Variants in INTS14 observed in about 807,000 individuals in gnomAD.
INTS14 encodes integrator complex subunit 14.
In INTS14, 27 loss-of-function variants were observed where a neutral mutation model predicts 56.9. The observed-to-expected ratio is 0.47, with a 90% CI of 0.35 to 0.65. The LOEUF is 0.65. Ranked by LOEUF, INTS14 falls within the 30% of genes least tolerant of loss-of-function variation. INTS14 has a pLI of 0.00. For missense variants in INTS14, 517 were observed against 632.2 expected (o/e 0.82, Z 1.95); for synonymous variants, 207 against 236.2 (o/e 0.88, Z 1.13).
chr15:65,598,829 C>G, intron 5 of INTS14, 43 bp downstream of exon 5: 1 of 1,425,492 alleles, frequency 7.0e-7, no homozygotes, highest in Non-Finnish European at 9.8e-7. Context: ...AATTATAATA[C>G]TGGATTGTAA....
chr15:65,598,652 A>G, intron 5 of INTS14, 189 bp from the exon 6 acceptor site: 1 of 767,282 alleles, frequency 1.3e-6, no homozygotes, highest in Non-Finnish European at 2.0e-6. Context: ...GAGCAAGTTA[A>G]TTTGAAATTT....
intron 10 of INTS14, among the ~76,000 whole-genome samples, chr15:65,583,002 T>C (rs2072681073): frequency 6.6e-6 from 1 of 152,070 alleles, no homozygotes. Flanking sequence ...ACACCTACTA[T>C]GATAGCTATA....
chr15:65,606,888 A>G (rs2073673676), intron 2 of INTS14, among the ~76,000 whole-genome samples: 1 of 152,248 alleles, frequency 6.6e-6, no homozygotes, highest in African/African-American at 2.4e-5. Context: ...GGAACACTAC[A>G]TCCTGAGATG....
At chr15:65,582,069 AG>A in intron 10 of INTS14, 50 bp from the exon 11 acceptor site, 1 of 1,473,070 alleles carries the variant, frequency 6.8e-7, no homozygotes, top group East Asian at 2.3e-5. Flanking sequence ...GTGGTAAAAA[AG>A]GGAAATAATA....
chr15:65,591,295 GA>G (rs1053165355), intron 9 of INTS14, among the ~76,000 whole-genome samples: 2 of 152,118 alleles, frequency 1.3e-5, no homozygotes, highest in African/African-American at 4.8e-5. Flanking sequence ...GGAATGACAG[GA>G]AATTACTTGA....
intron 3 of INTS14, among the ~76,000 whole-genome samples, chr15:65,601,891 T>A (rs1465646211): frequency 6.6e-6 from 1 of 152,162 alleles, no homozygotes; most frequent in Non-Finnish European, 1.5e-5. Flanking sequence ...CAGACTTTAC[T>A]AAATAATAAA....
At chr15:65,588,476 CCAA>C (rs1428932851) in intron 9 of INTS14, among the ~76,000 whole-genome samples, 9 of 151,634 alleles carry the variant, frequency 5.9e-5, no homozygotes, top group Admixed American at 5.9e-4. Context: ...ACCAGCCTGA[CCAA>C]CAACATGATG....
At chr15:65,608,645 G>A (rs2073743487) in intron 1 of INTS14, among the ~76,000 whole-genome samples, 1 of 152,114 alleles carries the variant, frequency 6.6e-6, no homozygotes, top group African/African-American at 2.4e-5. Flanking sequence ...ACAGATATCA[G>A]AAATACTTAT....
chr15:65,604,151 C>T (rs1195673966), intron 3 of INTS14, among the ~76,000 whole-genome samples: 7 of 152,154 alleles, frequency 4.6e-5, no homozygotes, highest in African/African-American at 1.7e-4. Context: ...GGCGCAATCT[C>T]GGCTGACTGC....
intron 9 of INTS14, 84 bp from the exon 10 acceptor site, chr15:65,584,972 CA>C: frequency 8.8e-7 from 1 of 1,142,114 alleles, no homozygotes; most frequent in Non-Finnish European, 1.2e-6. Flanking sequence ...CTCTTTGAAT[CA>C]CTCAATCTTT....
At chr15:65,588,525 G>A (rs1056881628) in intron 9 of INTS14, among the ~76,000 whole-genome samples, 17 of 151,660 alleles carry the variant, frequency 1.1e-4, no homozygotes, top group African/African-American at 3.9e-4. Flanking sequence ...ACAATTAGCC[G>A]GGCATGGTGG....
At chr15:65,605,352 A>G in intron 2 of INTS14, 116 bp from the exon 3 acceptor site, 1 of 712,566 alleles carries the variant, frequency 1.4e-6, no homozygotes, top group Admixed American at 2.5e-5. Context: ...TGTATCTGAG[A>G]GCACCAAAGC....
chr15:65,579,490 C>T lies in INTS14; in HGVS notation c.1475G>A (p.Gly492Asp). 1.2e-6 allele frequency: 2 copies of T among 1,614,244 alleles called. No homozygotes were observed. Among genetic ancestry groups the T allele is most frequent in the Middle Eastern group, 1.6e-4 (1 of 6,062 alleles). ...AAQQLKLASTGTSEYAAYDQN... is the reference protein window; with the variant it reads ...AAQQLKLASTDTSEYAAYDQN... Reference sequence around the variant, plus strand: ...GTCATAAGCGGCATACTCAGAGGTGCCGGTACTGGCCAGCTTGAGCTGCTG... The same window carrying T: ...GTCATAAGCGGCATACTCAGAGGTGTCGGTACTGGCCAGCTTGAGCTGCTG... The change falls in exon 12 of 12, where the codon GGC becomes GAC. Residue 492 changes from glycine (G) to aspartate (D), a missense_variant. Gly to Asp is a moderately conservative substitution (Grantham distance 94). Coordinates refer to ENST00000313182, the MANE Select transcript of INTS14 (RefSeq NM_001394796.1).
Position 65,598,397 on chromosome 15 carries a change from A to G in INTS14, c.672T>C (p.Asp224=). The stretch of plus-strand genomic sequence containing the variant: ...GTTCTGGCCTGGGGAAGACTTGTAC[A>G]TCAGCAGTTAGGTGGCCACACTTGA... ...AVLKCGHLTA[D]VQVFPRPEPF... The change falls in exon 6 of 12, where the codon GAT becomes GAC. Residue 224 remains aspartate, a synonymous_variant. Transcript: ENST00000313182. The G allele has an allele frequency of 1.2e-6, 2 of 1,614,122 alleles. No homozygotes were observed. Among genetic ancestry groups the G allele is most frequent in the South Asian group, 1.1e-5 (1 of 91,074 alleles).
chr15:65,594,562 T>G (rs1245777548), intron 7 of INTS14, among the ~76,000 whole-genome samples: 3 of 150,198 alleles, frequency 2.0e-5, no homozygotes, highest in African/African-American at 4.9e-5. Flanking sequence ...CCAGGTTTTT[T>G]TTTTTTTTTT....
At chr15:65,604,604 C>T (rs987964888) in intron 3 of INTS14, among the ~76,000 whole-genome samples, 1 of 151,840 alleles carries the variant, frequency 6.6e-6, no homozygotes, top group Non-Finnish European at 1.5e-5. Flanking sequence ...GTGGCATTTG[C>T]CTGTAGTCTC....
intron 3 of INTS14, among the ~76,000 whole-genome samples, chr15:65,603,551 T>C (rs1433121684): frequency 6.6e-6 from 1 of 152,032 alleles, no homozygotes; most frequent in Non-Finnish European, 1.5e-5. Flanking sequence ...GCTCAAGTTA[T>C]CCTCCCACCT....
At position 65,578,906 on chromosome 15, in the gene INTS14, C is replaced by T. The variant is rs1394783625; in HGVS notation, c.*502G>A. The T allele has an allele frequency of 6.6e-6, 1 of 152,512 alleles. No individual in the cohort carries two copies. Among genetic ancestry groups the T allele is most frequent in the Non-Finnish European group, 1.5e-5 (1 of 68,332 alleles). The allele number at this position is 152,512 out of a possible 1,614,324, so 9.4% of individuals were successfully genotyped here. A position where few individuals can be genotyped will look rare whatever the true frequency, so the allele number is the denominator to read the frequency against. ...AGATACCAAAAGCACTTAAGAGTTA[C>T]CACCACATTTTGCCCAAGTTCTAAG... On this transcript the variant is annotated 3_prime_UTR_variant, in exon 12 of 12. Transcript: ENST00000313182.
intron 9 of INTS14, among the ~76,000 whole-genome samples, chr15:65,585,615 T>C (rs2072789738): frequency 6.6e-6 from 1 of 152,202 alleles, no homozygotes; most frequent in African/African-American, 2.4e-5. Flanking sequence ...TGTACCTGCT[T>C]CCTGAGTCTA....
Sources: allele counts gnomAD v4.1 joint callset (sites outside exome capture counted in the v4.1 genomes callset), GRCh38; gene constraint gnomAD v4.1.1; transcripts MANE v1.5; gene names NCBI Gene and HGNC (gene_info 2026-07-23, HGNC 2026-07-21).